NPAS3: variants seen among roughly 807,000 people sequenced by gnomAD.
The protein encoded by NPAS3 is neuronal PAS domain-containing protein 3.
A neutral mutation model predicts 73.1 loss-of-function variants in NPAS3; 14 were observed. The observed-to-expected ratio is 0.19, with a 90% CI of 0.13 to 0.30. NPAS3 has a LOEUF of 0.30. NPAS3 is among the 10% of genes least tolerant of loss of function. The pLI is 1.00. For synonymous variants in NPAS3, 620 were observed against 541.5 expected (o/e 1.14, Z -2.01); for missense variants, 1,096 against 1,250.0 (o/e 0.88, Z 1.86).
At chr14:33,609,824 A>C (rs1193667642) in intron 5 of NPAS3, among the ~76,000 whole-genome samples, 1 of 151,736 alleles carries the variant, frequency 6.6e-6, no homozygotes, top group Non-Finnish European at 1.5e-5. Flanking sequence ...CGAGTCTCTG[A>C]CTCTGTCTGA....
intron 3 of NPAS3, among the ~76,000 whole-genome samples, chr14:33,235,508 T>A (rs1269814339): frequency 6.6e-6 from 1 of 152,066 alleles, no homozygotes. Context: ...TCTTTGGTGT[T>A]CTCTGATGGC....
intron 2 of NPAS3, among the ~76,000 whole-genome samples, chr14:33,095,674 T>TTA: frequency 7.2e-6 from 1 of 138,428 alleles, no homozygotes; most frequent in South Asian, 2.3e-4. Flanking sequence ...TTTTTTATTT[T>TTA]TTTTTTTTTT....
chr14:33,753,425 T>C (rs1332819603), intron 7 of NPAS3, among the ~76,000 whole-genome samples: 2 of 151,890 alleles, frequency 1.3e-5, no homozygotes, highest in Non-Finnish European at 2.9e-5. Context: ...CCCAAGCCTT[T>C]CACGTGTAAC....
At chr14:33,582,559 A>G (rs2056707319) in intron 5 of NPAS3, among the ~76,000 whole-genome samples, 1 of 152,220 alleles carries the variant, frequency 6.6e-6, no homozygotes, top group Non-Finnish European at 1.5e-5. Context: ...CCTGGAAATA[A>G]CAGAGCAACA....
intron 2 of NPAS3, among the ~76,000 whole-genome samples, chr14:33,147,041 TTGTA>T (rs1481584930): frequency 6.6e-6 from 1 of 152,208 alleles, no homozygotes; most frequent in Non-Finnish European, 1.5e-5. Context: ...GTTAAGATTT[TTGTA>T]TGTCAGGTTT....
intron 4 of NPAS3, among the ~76,000 whole-genome samples, chr14:33,417,768 A>T (rs1038621814): frequency 1.3e-5 from 2 of 151,994 alleles, no homozygotes; most frequent in African/African-American, 4.8e-5. Context: ...TGAAAAAAAA[A>T]CATGAGGAGA....
Position 33,782,075 on chromosome 14 carries a change from T to C in NPAS3, c.1153+3503T>C, listed in dbSNP as rs905088344. On this transcript the variant is annotated intron_variant, in intron 9 of 11. Coordinates refer to ENST00000356141, the Ensembl canonical transcript of NPAS3. ...GAAACTACACTGGAACTCTAAAGCCTAGGGAGTTCTAGGGCCCCTTCTTTC... is the reference window on the plus strand; with the variant it reads ...GAAACTACACTGGAACTCTAAAGCCCAGGGAGTTCTAGGGCCCCTTCTTTC... Among the ~76,000 whole-genome samples the C allele has an allele frequency of 1.2e-3, 188 of 152,250 alleles. 1 individual carries two copies. Among genetic ancestry groups the C allele is most frequent in the Non-Finnish European group, 2.9e-4 (20 of 68,022 alleles).
At chr14:32,983,171 G>A (rs564254979) in intron 1 of NPAS3, among the ~76,000 whole-genome samples, 4 of 152,084 alleles carry the variant, frequency 2.6e-5, no homozygotes, top group Admixed American at 2.0e-4. Context: ...ATGAATATAT[G>A]CCCCATTAAA....
intron 1 of NPAS3, among the ~76,000 whole-genome samples, chr14:32,966,828 A>G (rs1303273297): frequency 6.6e-6 from 1 of 152,068 alleles, no homozygotes; most frequent in Non-Finnish European, 1.5e-5. Flanking sequence ...TGCTATGAGA[A>G]AGCGTAGGGG....
At chr14:33,223,321 AC>A (rs2047502847) in intron 3 of NPAS3, among the ~76,000 whole-genome samples, 1 of 152,032 alleles carries the variant, frequency 6.6e-6, no homozygotes, top group Non-Finnish European at 1.5e-5. Flanking sequence ...CAAAAGCAAA[AC>A]AAAACTGTAG....
chr14:33,281,338 A>C (rs772145350), intron 3 of NPAS3, among the ~76,000 whole-genome samples: 1 of 151,922 alleles, frequency 6.6e-6, no homozygotes, highest in Non-Finnish European at 1.5e-5. Flanking sequence ...TATTTTAAAC[A>C]TTTTTTTTCA....
chr14:33,128,854 C>G (rs1043116167), intron 2 of NPAS3, among the ~76,000 whole-genome samples: 1 of 152,116 alleles, frequency 6.6e-6, no homozygotes, highest in Admixed American at 6.6e-5. Flanking sequence ...ATACTTACAT[C>G]TTAGACAAAG....
At chr14:32,938,483 AATTG>A (rs1410346139), upstream of NPAS3, among the ~76,000 whole-genome samples, 2 of 19,476 alleles carry the variant, frequency 1.0e-4, no homozygotes, top group Admixed American at 4.4e-4. Context: ...GAGAGAGAGA[AATTG>A]AGAGAGAGAG....
At chr14:33,745,947 G>A (rs183200860) in intron 7 of NPAS3, among the ~76,000 whole-genome samples, 1 of 152,266 alleles carries the variant, frequency 6.6e-6, no homozygotes, top group African/African-American at 2.4e-5. Context: ...AAGAAATGAA[G>A]TAGGGAAAGG....
At chr14:33,454,054 G>A (rs1482197767) in intron 4 of NPAS3, among the ~76,000 whole-genome samples, 4 of 151,748 alleles carry the variant, frequency 2.6e-5, no homozygotes, top group East Asian at 1.9e-4. Context: ...TGGCTGCCAG[G>A]GACTAAATTT....
At chr14:33,253,296 T>C (rs2048657855) in intron 3 of NPAS3, among the ~76,000 whole-genome samples, 1 of 152,080 alleles carries the variant, frequency 6.6e-6, no homozygotes, top group African/African-American at 2.4e-5. Context: ...TTTTCTTTTT[T>C]TAGAGACAAG....
At chr14:33,401,851 A>C (rs1051839943) in intron 4 of NPAS3, among the ~76,000 whole-genome samples, 3 of 152,034 alleles carry the variant, frequency 2.0e-5, no homozygotes, top group Admixed American at 6.6e-5. Flanking sequence ...GCTCCAGCAG[A>C]TCTTTGGTGG....
intron 1 of NPAS3, among the ~76,000 whole-genome samples, chr14:33,041,598 C>T (rs2040349422): frequency 6.6e-6 from 1 of 152,112 alleles, no homozygotes. Flanking sequence ...AATACTGTTA[C>T]CGAAACACTA....
At chr14:33,451,567 A>G (rs1463377564) in intron 4 of NPAS3, among the ~76,000 whole-genome samples, 1 of 152,244 alleles carries the variant, frequency 6.6e-6, no homozygotes, top group South Asian at 2.1e-4. Context: ...GCTATGATAG[A>G]CACTTTATAA....
Sources: gnomAD v4.1 joint callset for allele counts (sites outside exome capture counted in the v4.1 genomes callset) on GRCh38, gnomAD v4.1.1 for gene constraint, MANE v1.5 for transcripts, NCBI Gene and HGNC (gene_info 2026-07-23, HGNC 2026-07-21) for gene names.